The following DLG2 variants were observed in gnomAD, a reference collection of about 807,000 sequenced individuals.
The protein encoded by DLG2 is disks large homolog 2.
Under a neutral mutation model 132.5 loss-of-function variants are expected in DLG2, and 45 were observed. The observed-to-expected ratio is 0.34, with a 90% CI of 0.27 to 0.44. The LOEUF is 0.44. DLG2 is among the 20% of genes least tolerant of loss of function. The pLI is 1.00. For missense variants in DLG2, 1,045 were observed against 1,196.9 expected (o/e 0.87, Z 1.87); for synonymous variants, 424 against 419.6 (o/e 1.01, Z -0.13).
chr11:85,149,957 A>G (rs566605561), intron 5 of DLG2, among the ~76,000 whole-genome samples: 2 of 151,582 alleles, frequency 1.3e-5, no homozygotes, highest in Admixed American at 6.6e-5. Flanking sequence ...TGATTCTGTA[A>G]TATTTTCAAA....
At chr11:85,057,028 C>A (rs1018027520) in intron 6 of DLG2, among the ~76,000 whole-genome samples, 2 of 151,616 alleles carry the variant, frequency 1.3e-5, no homozygotes, top group African/African-American at 4.8e-5. Flanking sequence ...AAAATAGGGT[C>A]AATATATGGG....
intron 8 of DLG2, among the ~76,000 whole-genome samples, chr11:84,207,797 T>C (rs1434693606): frequency 6.6e-6 from 1 of 152,160 alleles, no homozygotes; most frequent in Non-Finnish European, 1.5e-5. Flanking sequence ...GATAAAAATG[T>C]AAATGTCTCA....
intron 6 of DLG2, among the ~76,000 whole-genome samples, chr11:84,621,696 C>T (rs1438088579): frequency 1.3e-5 from 2 of 152,094 alleles, no homozygotes; most frequent in Non-Finnish European, 2.9e-5. Flanking sequence ...TCAGTTCCTA[C>T]TAATGGGTAT....
At chr11:83,697,112 T>C (rs1175660818) in intron 18 of DLG2, among the ~76,000 whole-genome samples, 1 of 152,220 alleles carries the variant, frequency 6.6e-6, no homozygotes, top group Non-Finnish European at 1.5e-5. Flanking sequence ...AATGAGTCAG[T>C]GTTTGTAACA....
At chr11:84,441,297 C>T (rs149851539) in intron 7 of DLG2, among the ~76,000 whole-genome samples, 12 of 152,098 alleles carry the variant, frequency 7.9e-5, no homozygotes, top group Admixed American at 3.9e-4. Flanking sequence ...TAGGCACATA[C>T]CATCATGCTT....
At chr11:85,296,467 C>CTTTTTTTTTTTTTTTTTTATTTT (rs66526147) in intron 3 of DLG2, among the ~76,000 whole-genome samples, 3 of 121,550 alleles carry the variant, frequency 2.5e-5, no homozygotes, top group African/African-American at 6.2e-5. Flanking sequence ...TTTCGATTTT[C>CTTTTTTTTTTTTTTTTTTATTTT]TTTTTTTTTT....
At chr11:83,741,570 C>T (rs1206421156) in intron 18 of DLG2, among the ~76,000 whole-genome samples, 1 of 151,914 alleles carries the variant, frequency 6.6e-6, no homozygotes, top group Non-Finnish European at 1.5e-5. Context: ...ACAAAGAAAA[C>T]GGAATACCTA....
At chr11:84,809,671 C>T (rs968245628) in intron 6 of DLG2, among the ~76,000 whole-genome samples, 8 of 151,850 alleles carry the variant, frequency 5.3e-5, no homozygotes, top group Non-Finnish European at 1.0e-4. Context: ...ATACCTTTTA[C>T]AATTGCTCAA....
intron 3 of DLG2, among the ~76,000 whole-genome samples, chr11:85,514,648 T>G (rs998557925): frequency 1.3e-5 from 2 of 152,010 alleles, no homozygotes; most frequent in South Asian, 2.1e-4. Flanking sequence ...TTTTTACAAC[T>G]TGTTTTCTCT....
chr11:84,967,034 T>C (rs1474126053), intron 6 of DLG2, among the ~76,000 whole-genome samples: 1 of 152,126 alleles, frequency 6.6e-6, no homozygotes, highest in Non-Finnish European at 1.5e-5. Flanking sequence ...AAAATGCCTA[T>C]AGGCAACTAG....
chr11:83,530,412 T>A (rs2095710174), intron 21 of DLG2, among the ~76,000 whole-genome samples: 1 of 151,000 alleles, frequency 6.6e-6, no homozygotes, highest in African/African-American at 2.4e-5. Context: ...AATTATAGCT[T>A]TTTTTTTTCT....
At chr11:83,968,149 A>G (rs1188844349) in intron 12 of DLG2, among the ~76,000 whole-genome samples, 1 of 152,220 alleles carries the variant, frequency 6.6e-6, no homozygotes, top group Non-Finnish European at 1.5e-5. Context: ...TATAGTACAC[A>G]TTATCTATAC....
chr11:84,849,406 ACATTT>A (rs1200079279), intron 6 of DLG2, among the ~76,000 whole-genome samples: 1 of 152,146 alleles, frequency 6.6e-6, no homozygotes, highest in African/African-American at 2.4e-5. Flanking sequence ...CCTTCCCATT[ACATTT>A]AAGTTCCTCC....
chr11:85,032,579 A>G (rs1051118631), intron 6 of DLG2, among the ~76,000 whole-genome samples: 1 of 152,202 alleles, frequency 6.6e-6, no homozygotes. Flanking sequence ...GGTCTGCTCT[A>G]AAGTACAAAT....
chr11:84,342,712 C>T (rs1427553895), intron 7 of DLG2, among the ~76,000 whole-genome samples: 1 of 152,116 alleles, frequency 6.6e-6, no homozygotes, highest in Non-Finnish European at 1.5e-5. Context: ...TCAGTAAACA[C>T]CTTTTAAACT....
intron 17 of DLG2, among the ~76,000 whole-genome samples, chr11:83,806,489 T>C (rs757172401): frequency 9.2e-5 from 14 of 152,200 alleles, no homozygotes; most frequent in Non-Finnish European, 1.5e-4. Context: ...AAAACATTCA[T>C]GTTTACCTCC....
chr11:84,166,006 T>A (rs1159974623), intron 8 of DLG2, among the ~76,000 whole-genome samples: 2 of 152,156 alleles, frequency 1.3e-5, no homozygotes, highest in South Asian at 2.1e-4. Flanking sequence ...AGGTGAGGCA[T>A]CATTTCAACC....
chr11:85,397,034 T>C (rs540828788), intron 3 of DLG2, among the ~76,000 whole-genome samples: 4 of 152,002 alleles, frequency 2.6e-5, no homozygotes, highest in East Asian at 1.9e-4. Context: ...AAGAGAGAGG[T>C]TGGGTTACCC....
intron 9 of DLG2, among the ~76,000 whole-genome samples, chr11:84,133,697 TCTTGAA>T (rs2094502671): frequency 6.6e-6 from 1 of 152,030 alleles, no homozygotes; most frequent in Non-Finnish European, 1.5e-5. Flanking sequence ...CCCAGGCTAG[TCTTGAA>T]CTCCTGGGCT....
Sources: allele counts gnomAD v4.1 joint callset (sites outside exome capture counted in the v4.1 genomes callset), GRCh38; gene constraint gnomAD v4.1.1; transcripts MANE v1.5; gene names NCBI Gene and HGNC (gene_info 2026-07-23, HGNC 2026-07-21).